The following GRM8 variants were observed in gnomAD, a reference collection of about 807,000 sequenced individuals.
GRM8 encodes the protein glutamate metabotropic receptor 8.
A neutral mutation model predicts 87.2 loss-of-function variants in GRM8; 47 were observed. That is an observed-to-expected ratio of 0.54 (90% CI 0.43 to 0.69). The LOEUF (loss-of-function observed/expected upper bound fraction) is 0.69. GRM8 is among the 30% of genes least tolerant of loss of function. The pLI is 0.00. For missense variants in GRM8, 1,019 were observed against 1,139.2 expected (o/e 0.89, Z 1.52); for synonymous variants, 396 against 404.5 (o/e 0.98, Z 0.25).
chr7:126,471,496 G>C (rs1414324067), intron 9 of GRM8, among the ~76,000 whole-genome samples: 1 of 151,990 alleles, frequency 6.6e-6, no homozygotes, highest in African/African-American at 2.4e-5. Context: ...AGATCAGATA[G>C]TTGTAGATAT....
rs560666885 is a variant in GRM8 at position 126,873,101 on chromosome 7, A to G, written c.1156+29441T>C. On this transcript the variant is annotated intron_variant, in intron 6 of 10. Coordinates refer to ENST00000339582, the MANE Select transcript of GRM8 (RefSeq NM_000845.3). ...CACACACATACAGTTTTAAAGATGC[A>G]TTTTTCCTCTTCTGGAATGTGTTAC... Among the ~76,000 whole-genome samples, 7 of 152,156 alleles carry G rather than the reference A, an allele frequency of 4.6e-5. No individual in the cohort carries two copies. The East Asian group carries it at 1.3e-3, about 29-fold the overall frequency.
At chr7:126,575,546 T>C (rs190612565) in intron 8 of GRM8, among the ~76,000 whole-genome samples, 1 of 152,152 alleles carries the variant, frequency 6.6e-6, no homozygotes, top group East Asian at 1.9e-4. Flanking sequence ...CCCAAAAATG[T>C]TGGGGACCGC....
chr7:126,645,382 C>T (rs1025880860), intron 7 of GRM8, among the ~76,000 whole-genome samples: 9 of 152,214 alleles, frequency 5.9e-5, no homozygotes, highest in African/African-American at 1.2e-4. Context: ...TCAACTGGCC[C>T]CATGGCCCCA....
At chr7:126,595,738 C>T (rs909604465) in intron 8 of GRM8, among the ~76,000 whole-genome samples, 6 of 152,092 alleles carry the variant, frequency 3.9e-5, no homozygotes, top group African/African-American at 1.4e-4. Flanking sequence ...ACCACATTTT[C>T]TTTATTCAGT....
chr7:126,940,752 G>T (rs985524153), intron 3 of GRM8, among the ~76,000 whole-genome samples: 1 of 152,096 alleles, frequency 6.6e-6, no homozygotes, highest in Non-Finnish European at 1.5e-5. Flanking sequence ...GTCATTTGGG[G>T]TCAATTTGTT....
chr7:126,679,290 CAT>C (rs1298778707), intron 7 of GRM8, among the ~76,000 whole-genome samples: 1 of 152,200 alleles, frequency 6.6e-6, no homozygotes, highest in Non-Finnish European at 1.5e-5. Flanking sequence ...ATCTTTCCCA[CAT>C]GTGTATTTTA....
At chr7:127,227,332 T>C (rs1797399216) in intron 2 of GRM8, among the ~76,000 whole-genome samples, 1 of 152,146 alleles carries the variant, frequency 6.6e-6, no homozygotes. Flanking sequence ...GAGGTGAAAA[T>C]GAGTAGTTTG....
chr7:127,122,836 T>A (rs1827163909), intron 2 of GRM8, among the ~76,000 whole-genome samples: 1 of 151,990 alleles, frequency 6.6e-6, no homozygotes, highest in South Asian at 2.1e-4. Context: ...ACCAAAAGAC[T>A]TTTTGGGAGA....
chr7:126,484,142 C>T (rs1420681676), intron 9 of GRM8, among the ~76,000 whole-genome samples: 1 of 151,996 alleles, frequency 6.6e-6, no homozygotes, highest in Non-Finnish European at 1.5e-5. Flanking sequence ...AAATGAAGTG[C>T]ACTTGTTTTG....
intron 6 of GRM8, among the ~76,000 whole-genome samples, chr7:126,775,513 A>G (rs911563304): frequency 7.5e-6 from 1 of 134,002 alleles, no homozygotes; most frequent in Non-Finnish European, 1.5e-5. Flanking sequence ...TTTTTTACTA[A>G]ATTTAAACTG....
chr7:126,850,722 T>A (rs1198545644), intron 6 of GRM8, among the ~76,000 whole-genome samples: 1 of 152,224 alleles, frequency 6.6e-6, no homozygotes, highest in East Asian at 1.9e-4. Flanking sequence ...ATAATCGAAA[T>A]AGGAAGATAG....
At chr7:127,157,404 A>G (rs1792801917) in intron 2 of GRM8, among the ~76,000 whole-genome samples, 1 of 152,190 alleles carries the variant, frequency 6.6e-6, no homozygotes, top group South Asian at 2.1e-4. Flanking sequence ...GGTGAATTCT[A>G]TGGACTCATT....
In GRM8 at chr7:127,135,617, C is replaced by CAAAAA. The variant is rs1168682673; in HGVS notation, c.511-28910_511-28906dup. 4.9e-3 allele frequency among the ~76,000 whole-genome samples: 178 copies of CAAAAA among 36,438 alleles called. 7 individuals carry two copies. The highest frequency in any genetic ancestry group is 0.018 in the African/African-American group (142 of 7,948). 23.9% of individuals were successfully genotyped at this position (36,438 alleles called of 152,430 possible). A position where few individuals can be genotyped will look rare whatever the true frequency, so the allele number is the denominator to read the frequency against. On this transcript the variant is annotated intron_variant, in intron 2 of 10. Transcript: ENST00000339582. Reference sequence around the variant, plus strand: ...TGGGCGACAGAGCGAGACTCCGTCTCAAAAAAAAAAAAAAAAAAAAAAAAA... The same window carrying CAAAAA: ...TGGGCGACAGAGCGAGACTCCGTCTCAAAAAAAAAAAAAAAAAAAAAAAAAAAAAA...
intron 6 of GRM8, among the ~76,000 whole-genome samples, chr7:126,884,997 T>C (rs1487502502): frequency 6.6e-6 from 1 of 152,180 alleles, no homozygotes; most frequent in Non-Finnish European, 1.5e-5. Context: ...GTAAGGATAG[T>C]ATATCCCTCT....
chr7:126,779,929 T>C (rs1413512871), intron 6 of GRM8, among the ~76,000 whole-genome samples: 1 of 152,130 alleles, frequency 6.6e-6, no homozygotes, highest in Non-Finnish European at 1.5e-5. Flanking sequence ...ACTCATAAAA[T>C]AGGAATTTAT....
At chr7:126,642,068 T>C (rs1392681230) in intron 7 of GRM8, among the ~76,000 whole-genome samples, 1 of 152,160 alleles carries the variant, frequency 6.6e-6, no homozygotes, top group African/African-American at 2.4e-5. Flanking sequence ...ACTAGCATCG[T>C]CTGTCATAAA....
At chr7:127,025,098 A>T (rs1816648508) in intron 3 of GRM8, among the ~76,000 whole-genome samples, 1 of 152,060 alleles carries the variant, frequency 6.6e-6, no homozygotes, top group South Asian at 2.1e-4. Context: ...CAAATCCTAT[A>T]GCTTCTCAGC....
chr7:127,112,267 T>A (rs893707053), intron 2 of GRM8: 4 of 152,344 alleles, frequency 2.6e-5, no homozygotes, highest in African/African-American at 9.7e-5. Context: ...GCCTTTCTCA[T>A]CCTTCAGCCT....
chr7:127,003,789 T>C (rs1309876787), intron 3 of GRM8, among the ~76,000 whole-genome samples: 2 of 151,720 alleles, frequency 1.3e-5, no homozygotes, highest in Admixed American at 6.6e-5. Flanking sequence ...AGAAGATTAC[T>C]AAATAGATGG....
Sources: allele counts gnomAD v4.1 joint callset (sites outside exome capture counted in the v4.1 genomes callset), GRCh38; gene constraint gnomAD v4.1.1; transcripts MANE v1.5; gene names NCBI Gene and HGNC (gene_info 2026-07-23, HGNC 2026-07-21).